The following SVEP1 variants were observed in gnomAD, a reference collection of about 807,000 sequenced individuals.
SVEP1 encodes the protein sushi, von Willebrand factor type A, EGF and pentraxin domain-containing protein 1.
Under a neutral mutation model 367.3 loss-of-function variants are expected in SVEP1, and 164 were observed. The ratio of observed to expected loss-of-function variants is 0.45; its 90% CI spans 0.39 to 0.51. SVEP1 has a LOEUF of 0.51. Ranked by LOEUF, SVEP1 falls within the 20% of genes least tolerant of loss-of-function variation. SVEP1 has a pLI of 0.00. For missense variants in SVEP1, 4,117 were observed against 4,425.3 expected (o/e 0.93, Z 1.98); for synonymous variants, 1,666 against 1,611.6 (o/e 1.03, Z -0.81).
At chr9:110,392,369 CTGTT>C (rs1429235404) in intron 40 of SVEP1, among the ~76,000 whole-genome samples, 9 of 151,928 alleles carry the variant, frequency 5.9e-5, no homozygotes, top group Non-Finnish European at 2.9e-5. Flanking sequence ...GTCTCTGACA[CTGTT>C]TGTTGGATTT....
intron 18 of SVEP1, among the ~76,000 whole-genome samples, chr9:110,460,940 CAT>C (rs1384390831): frequency 2.6e-5 from 4 of 152,144 alleles, no homozygotes; most frequent in African/African-American, 9.7e-5. Flanking sequence ...TTTTCTTCCT[CAT>C]GTGATGCTAC....
Position 110,430,347 on chromosome 9 carries a change from G to A in SVEP1, c.5457C>T (p.Tyr1819=), listed in dbSNP as rs370516257. 6 of 1,613,280 alleles carry A rather than the reference G, an allele frequency of 3.7e-6. No individual in the cohort carries two copies. In the African/African-American group the frequency reaches 8.0e-5, roughly 22 times the overall value. ...TGATTTTGGTTACTCCCATCAACTG[G>A]TATCCTTCCTGACACGAAAATGTGA... ...AEVTFSCQEG[Y]QLMGVTKITC... is the part of the protein sequence containing the mutation. Residue 1819 remains tyrosine, a synonymous_variant, in exon 33 of 48, where the codon TAC becomes TAT. Coordinates refer to ENST00000374469, the MANE Select transcript of SVEP1 (RefSeq NM_153366.4).
At chr9:110,436,243 A>G in intron 28 of SVEP1, 137 bp downstream of exon 28, 1 of 1,112,928 alleles carries the variant, frequency 9.0e-7, no homozygotes, top group Non-Finnish European at 1.2e-6. Context: ...CTATAACCAC[A>G]GCATCAAATG....
At chr9:110,520,646 T>G (rs1220480938) in intron 3 of SVEP1, among the ~76,000 whole-genome samples, 2 of 152,214 alleles carry the variant, frequency 1.3e-5, no homozygotes. Flanking sequence ...TCTCTACTCT[T>G]TCTAATATAT....
At position 110,455,465 on chromosome 9, in the gene SVEP1, T is replaced by C. The variant is rs370292111; in HGVS notation, c.3787+125A>G. The C allele has an allele frequency of 2.3e-5, 16 of 687,244 alleles. 1 individual carries two copies. In the South Asian group the frequency reaches 4.2e-4, roughly 18 times the overall value. 42.6% of individuals were successfully genotyped at this position (687,244 alleles called of 1,614,324 possible). ...TGCAAATAAGTAATATTAGAAAATA[T>C]GCTTCTTCAATATGTTTATAATATT... On this transcript the variant is annotated intron_variant, in intron 22 of 47. Transcript: ENST00000374469.
At chr9:110,548,771 C>T (rs1258575386) in intron 2 of SVEP1, among the ~76,000 whole-genome samples, 1 of 152,136 alleles carries the variant, frequency 6.6e-6, no homozygotes, top group Non-Finnish European at 1.5e-5. Context: ...AGTCCTTGCT[C>T]ACTTCACTAA....
At chr9:110,553,790 A>G (rs1287612421) in intron 1 of SVEP1, among the ~76,000 whole-genome samples, 2 of 152,116 alleles carry the variant, frequency 1.3e-5, no homozygotes, top group Non-Finnish European at 2.9e-5. Context: ...CGCTTAATAA[A>G]TATTTGTCAC....
At chr9:110,545,723 G>C (rs921219839) in intron 3 of SVEP1, among the ~76,000 whole-genome samples, 7 of 152,076 alleles carry the variant, frequency 4.6e-5, no homozygotes, top group African/African-American at 1.7e-4. Flanking sequence ...TCTCCTCCCA[G>C]TTCTGAACCT....
At chr9:110,442,616 A>C (rs1331696496) in intron 27 of SVEP1, 1 of 150,620 alleles carries the variant, frequency 6.6e-6, no homozygotes, top group Non-Finnish European at 1.5e-5. Context: ...ATCTACCACC[A>C]TGCCTGGCTA....
Position 110,369,911 on chromosome 9 carries a change from T to C in SVEP1, c.10694+12A>G. 1 of 1,608,322 alleles carries C rather than the reference T, an allele frequency of 6.2e-7. No individual in the cohort carries two copies. The highest frequency in any genetic ancestry group is 8.5e-7 in the Non-Finnish European group (1 of 1,176,926). ...CATGTTATAGGCGAACATTAGTTTT[T>C]GGTTATCTTACCTGGAACAGTTATG... On this transcript the variant is annotated intron_variant, in intron 47 of 47. Coordinates refer to ENST00000374469, the MANE Select transcript of SVEP1 (RefSeq NM_153366.4).
At chr9:110,503,933 G>C (rs1829581099) in intron 5 of SVEP1, among the ~76,000 whole-genome samples, 1 of 152,186 alleles carries the variant, frequency 6.6e-6, no homozygotes, top group Admixed American at 6.5e-5. Context: ...CCAGCTAAAA[G>C]ATTACAACTC....
chr9:110,448,430 A>G (rs1412376981), intron 24 of SVEP1, among the ~76,000 whole-genome samples: 8 of 152,230 alleles, frequency 5.3e-5, no homozygotes, highest in Admixed American at 2.6e-4. Flanking sequence ...ATATTGACCT[A>G]ACAGTGTCTA....
At chr9:110,483,555 T>G (rs375750888) in intron 10 of SVEP1, 31 bp downstream of exon 10, 17 of 1,531,560 alleles carry the variant, frequency 1.1e-5, no homozygotes, top group Non-Finnish European at 1.3e-5. Flanking sequence ...TCATTGCTAC[T>G]ATGCTGACAA....
At chr9:110,451,532 C>T (rs1468545199) in intron 22 of SVEP1, 130 bp from the exon 23 acceptor site, 2 of 587,166 alleles carry the variant, frequency 3.4e-6, no homozygotes, top group Non-Finnish European at 5.8e-6. Flanking sequence ...TTGTGACAAA[C>T]ATGTTGAAAT....
chr9:110,476,299 C>T lies in SVEP1; in HGVS notation c.2504G>A (p.Ser835Asn). Reference protein sequence around the residue: ...TLGKMVPSFCSDAEDIDCRLE... With the variant: ...TLGKMVPSFCNDAEDIDCRLE... Reference sequence around the variant, plus strand: ...TCTGCAGTCAATGTCCTCTGCATCACTACAAAATGATGGGACCTGCAAGTA... The same window carrying T: ...TCTGCAGTCAATGTCCTCTGCATCATTACAAAATGATGGGACCTGCAAGTA... The change falls in exon 14 of 48, where the codon AGT (serine) becomes AAT (asparagine). Residue 835 changes from serine (S) to asparagine (N), a missense_variant. Around this residue, in one of 4 missense-constraint regions of SVEP1, gnomAD observed 2,174 missense variants for 2,494.3 expected, o/e 0.87. Transcript: ENST00000374469. 1 of 1,612,522 alleles carries T rather than the reference C, an allele frequency of 6.2e-7. No individual in the cohort carries two copies. Among genetic ancestry groups the T allele is most frequent in the Non-Finnish European group, 8.5e-7 (1 of 1,178,874 alleles).
At chr9:110,385,779 C>G in intron 43 of SVEP1, 119 bp downstream of exon 43, 1 of 1,048,038 alleles carries the variant, frequency 9.5e-7, no homozygotes, top group Non-Finnish European at 1.3e-6. Flanking sequence ...AAGATGATAA[C>G]TGTGATAGCA....
At chr9:110,427,172 CCTGTAGTCCCAGCTACTT>C (rs1828266113) in intron 36 of SVEP1, among the ~76,000 whole-genome samples, 1 of 151,816 alleles carries the variant, frequency 6.6e-6, no homozygotes, top group Non-Finnish European at 1.5e-5. Flanking sequence ...GTGGCAGGCG[CCTGTAGTCCCAGCTACTT>C]GGGAGGCTGA....
intron 18 of SVEP1, among the ~76,000 whole-genome samples, chr9:110,461,199 CATG>C (rs1162408170): frequency 1.3e-5 from 2 of 152,166 alleles, no homozygotes; most frequent in Non-Finnish European, 2.9e-5. Context: ...GGTTTTCCTC[CATG>C]ATGTTTTGTT....
intron 3 of SVEP1, among the ~76,000 whole-genome samples, chr9:110,526,199 A>T (rs767521317): frequency 5.3e-5 from 8 of 152,114 alleles, no homozygotes; most frequent in Non-Finnish European, 8.8e-5. Context: ...GAACTTAAAA[A>T]TTTTTGCACT....
Sources: allele counts gnomAD v4.1 joint callset (sites outside exome capture counted in the v4.1 genomes callset), GRCh38; gene constraint gnomAD v4.1.1; regional missense constraint gnomAD v4.1.1; transcripts MANE v1.5; gene names NCBI Gene and HGNC (gene_info 2026-07-23, HGNC 2026-07-21).